The following RDH11 variants were observed in gnomAD, a reference collection of about 807,000 sequenced individuals.
RDH11 encodes retinol dehydrogenase 11, also known as HCV core-binding protein HCBP12.
In RDH11, 19 loss-of-function variants were observed where a neutral mutation model predicts 33.4. The observed-to-expected ratio is 0.57, with a 90% CI of 0.40 to 0.83. The LOEUF is 0.83. Ranked by LOEUF, RDH11 falls within the 40% of genes least tolerant of loss-of-function variation. The probability of loss-of-function intolerance (pLI) is 0.00; values close to 1 mark genes in which losing one functional copy is unlikely to be tolerated. For synonymous variants in RDH11, 154 were observed against 155.3 expected (o/e 0.99, Z 0.06); for missense variants, 353 against 389.0 (o/e 0.91, Z 0.78).
chr14:67,692,257 T>G (rs1395841797), intron 3 of RDH11, 181 bp downstream of exon 3: 3 of 642,580 alleles, frequency 4.7e-6, no homozygotes, highest in Non-Finnish European at 8.0e-6. Context: ...TTTTTGTTTC[T>G]GCCTCTGGAA....
At chr14:67,682,811 C>T (rs1307275695) in intron 6 of RDH11, among the ~76,000 whole-genome samples, 1 of 152,146 alleles carries the variant, frequency 6.6e-6, no homozygotes, top group African/African-American at 2.4e-5. Flanking sequence ...ATTCAAATAG[C>T]TAAAAAGTGC....
At chr14:67,695,608 A>T (rs1273800587) in intron 1 of RDH11, 22 bp downstream of exon 1, 1 of 1,602,182 alleles carries the variant, frequency 6.2e-7, no homozygotes, top group Non-Finnish European at 8.5e-7. Context: ...TTCTCAAGAG[A>T]AGGCAATACA....
At chr14:67,681,921 T>G (rs373532095) in intron 6 of RDH11, among the ~76,000 whole-genome samples, 2 of 152,192 alleles carry the variant, frequency 1.3e-5, no homozygotes, top group Admixed American at 6.5e-5. Flanking sequence ...CCCTCTGCCT[T>G]CATGAACAGA....
chr14:67,691,222 C>T lies in RDH11; in HGVS notation c.372G>A (p.Leu124=). The change falls in exon 4 of 7, where the codon TTG becomes TTA. Residue 124 remains leucine (L), a synonymous_variant. Transcript: ENST00000381346. Reference sequence around the variant, plus strand: ...ACATCATCACTCCTGCATTGTTGATCAAAACGTGGAGGTGCTTTTCCTCTG... The same window carrying T: ...ACATCATCACTCCTGCATTGTTGATTAAAACGTGGAGGTGCTTTTCCTCTG... ...FLAEEKHLHV[L]INNAGVMMCP... 6.2e-7 allele frequency: 1 copy of T among 1,613,840 alleles called. No individual in the cohort carries two copies. Among genetic ancestry groups the T allele is most frequent in the Non-Finnish European group, 8.5e-7 (1 of 1,179,902 alleles).
At chr14:67,690,093 T>G in intron 5 of RDH11, 119 bp downstream of exon 5, 1 of 801,602 alleles carries the variant, frequency 1.2e-6, no homozygotes, top group Non-Finnish European at 2.0e-6. Context: ...CTGTACCCAA[T>G]TATAGCCACG....
chr14:67,681,022 C>A (rs1360418336), intron 6 of RDH11, among the ~76,000 whole-genome samples: 5 of 152,100 alleles, frequency 3.3e-5, no homozygotes, highest in African/African-American at 1.2e-4. Context: ...TGTGTTCCCC[C>A]AAAATTAATA....
chr14:67,695,735 T>G lies in RDH11; in HGVS notation c.-32A>C. On this transcript the variant is annotated 5_prime_UTR_variant, in exon 1 of 7. Coordinates refer to ENST00000381346, the MANE Select transcript of RDH11 (RefSeq NM_016026.4). ...CGGCTGCAGCGGCACCAGAGCGGGA[T>G]GCTCCAGCGTTGCTCGCCGACTATG... The G allele has an allele frequency of 6.2e-7, 1 of 1,605,600 alleles. No homozygotes were observed. Among genetic ancestry groups the G allele is most frequent in the South Asian group, 1.1e-5 (1 of 90,622 alleles).
intron 6 of RDH11, 100 bp downstream of exon 6, chr14:67,684,915 T>C (rs1426390900): frequency 2.3e-5 from 21 of 906,456 alleles, no homozygotes; most frequent in Middle Eastern, 2.4e-4. Context: ...ACAAAAGCTA[T>C]ATGAGACAAT....
intron 6 of RDH11, among the ~76,000 whole-genome samples, chr14:67,683,099 G>C (rs1203584737): frequency 6.6e-6 from 1 of 152,148 alleles, no homozygotes; most frequent in African/African-American, 2.4e-5. Context: ...AAATCTTAAG[G>C]CTTCAATCAA....
intron 1 of RDH11, among the ~76,000 whole-genome samples, chr14:67,694,465 C>CAT (rs1259297890): frequency 4.7e-4 from 49 of 103,158 alleles, no homozygotes; most frequent in African/African-American, 6.6e-4. Flanking sequence ...CACACACACA[C>CAT]ATATATATAT....
rs750658614 is a variant in RDH11 at position 67,691,192 on chromosome 14, C to A, written c.402G>T (p.Pro134=). Residue 134 remains proline, a synonymous_variant, in exon 4 of 7, where the codon CCG becomes CCT. Transcript: ENST00000381346. ...LINNAGVMMC[P]YSKTADGFEM... ...CAAAGCCATCTGCTGTCTTCGAGTA[C>A]GGACACATCATCACTCCTGCATTGT... is the stretch of plus-strand genomic sequence containing the variant. The A allele has an allele frequency of 6.2e-7, 1 of 1,613,910 alleles. No homozygotes were observed. Among genetic ancestry groups the A allele is most frequent in the African/African-American group, 1.3e-5 (1 of 74,900 alleles).
At chr14:67,688,814 G>A (rs994948434) in intron 5 of RDH11, among the ~76,000 whole-genome samples, 1 of 152,136 alleles carries the variant, frequency 6.6e-6, no homozygotes, top group African/African-American at 2.4e-5. Flanking sequence ...ATAAAGACTT[G>A]CTAATTGTCT....
chr14:67,681,713 C>T (rs550173615), intron 6 of RDH11, among the ~76,000 whole-genome samples: 20 of 152,072 alleles, frequency 1.3e-4, no homozygotes, highest in African/African-American at 4.6e-4. Context: ...ACCCAGGAGG[C>T]GGAGGTTGCA....
intron 1 of RDH11, among the ~76,000 whole-genome samples, chr14:67,693,797 T>A (rs2037786482): frequency 6.6e-6 from 1 of 151,890 alleles, no homozygotes; most frequent in East Asian, 1.9e-4. Context: ...CCCTCACCCA[T>A]GCGCCACCAC....
intron 1 of RDH11, among the ~76,000 whole-genome samples, chr14:67,695,087 C>A (rs528304455): frequency 1.3e-5 from 2 of 152,332 alleles, no homozygotes; most frequent in Admixed American, 6.5e-5. Flanking sequence ...CAGGATAGAG[C>A]TCATAACCAA....
chr14:67,689,824 G>C (rs1008246123), intron 5 of RDH11, among the ~76,000 whole-genome samples: 8 of 151,996 alleles, frequency 5.3e-5, no homozygotes, highest in Non-Finnish European at 1.0e-4. Flanking sequence ...CGCACCTGTA[G>C]TCCCAGCTAC....
chr14:67,690,425 T>C lies in RDH11; in HGVS notation c.455-4A>G. The C allele has an allele frequency of 1.2e-6, 2 of 1,613,354 alleles. No individual in the cohort carries two copies. The highest frequency in any genetic ancestry group is 1.7e-6 in the Non-Finnish European group (2 of 1,179,308). On this transcript the variant is annotated splice_polypyrimidine_tract_variant and splice_region_variant and intron_variant, in intron 4 of 6. Transcript: ENST00000381346. ...AGATGGGTTAGGAGGAAGTGACCTG[T>C]TGAGAAATACTAGAATTAATGAAGT...
Position 67,692,507 on chromosome 14 carries a change from C to T in RDH11, c.280G>A (p.Val94Met), listed in dbSNP as rs2037762597. Reference protein sequence around the residue: ...EIQTTTGNQQVLVRKLDLSDT... With the variant: ...EIQTTTGNQQMLVRKLDLSDT... Reference sequence around the variant, plus strand: ...GACAGGTCCAGTTTCCGCACCAACACCTGCTGGTTCCCTGTCGTGGTCTGG... The same window carrying T: ...GACAGGTCCAGTTTCCGCACCAACATCTGCTGGTTCCCTGTCGTGGTCTGG... The change falls in exon 3 of 7, where the codon GTG (valine) becomes ATG (methionine). Residue 94 changes from valine (V) to methionine (M), a missense_variant. By Grantham distance (21) the Val-to-Met change is conservative (BLOSUM62 1). Coordinates refer to ENST00000381346, the MANE Select transcript of RDH11 (RefSeq NM_016026.4). The T allele has an allele frequency of 6.2e-7, 1 of 1,613,720 alleles. No individual in the cohort carries two copies. Among genetic ancestry groups the T allele is most frequent in the Non-Finnish European group, 8.5e-7 (1 of 1,179,900 alleles).
At chr14:67,692,207 G>T in intron 3 of RDH11, 1 of 473,880 alleles carries the variant, frequency 2.1e-6, no homozygotes, top group East Asian at 4.2e-5. Context: ...GAGATTTCTG[G>T]CTTCAGCTCT....
Sources: allele counts gnomAD v4.1 joint callset (sites outside exome capture counted in the v4.1 genomes callset), GRCh38; gene constraint gnomAD v4.1.1; transcripts MANE v1.5; gene names NCBI Gene and HGNC (gene_info 2026-07-23, HGNC 2026-07-21).